TUBGCP5: variants seen among roughly 807,000 people sequenced by gnomAD.
The protein encoded by TUBGCP5 is tubulin gamma complex component 5.
In TUBGCP5, 98 loss-of-function variants were observed where a neutral mutation model predicts 134.7. The observed-to-expected ratio is 0.73, with a 90% CI of 0.62 to 0.86. The LOEUF (loss-of-function observed/expected upper bound fraction) is 0.86. Among genes scored for constraint, TUBGCP5 ranks in the 40% least tolerant of loss-of-function variants. The pLI is 0.00. For missense variants in TUBGCP5, 1,150 were observed against 1,244.8 expected, an observed-to-expected ratio of 0.92 and a Z score of 1.15; for synonymous variants, 456 against 431.4, an observed-to-expected ratio of 1.06 and a Z score of -0.71.
At chr15:23,019,720 C>T (rs2065553872) in intron 11 of TUBGCP5, among the ~76,000 whole-genome samples, 1 of 151,726 alleles carries the variant, frequency 6.6e-6, no homozygotes, top group African/African-American at 2.4e-5. Flanking sequence ...TTGCTTGAAT[C>T]TGGCAGGTGG....
chr15:23,035,885 G>A (rs1845105380), intron 3 of TUBGCP5, among the ~76,000 whole-genome samples: 1 of 152,144 alleles, frequency 6.6e-6, no homozygotes, highest in South Asian at 2.1e-4. Context: ...AGGTGTCCGG[G>A]AACAAATCAG....
chr15:23,004,252 T>C, intron 19 of TUBGCP5, 25 bp from the exon 20 acceptor site: 1 of 1,601,684 alleles, frequency 6.2e-7, no homozygotes, highest in Non-Finnish European at 8.5e-7. Context: ...ATAAAAAGCT[T>C]CATCAGCAGC....
intron 23 of TUBGCP5, among the ~76,000 whole-genome samples, chr15:22,989,239 T>C (rs1459774425): frequency 2.0e-5 from 3 of 152,322 alleles, no homozygotes; most frequent in East Asian, 3.9e-4. Flanking sequence ...CAGACAGCTT[T>C]GGGGCTACCA....
chr15:23,034,597 C>T (rs1448261327), intron 3 of TUBGCP5, among the ~76,000 whole-genome samples: 1 of 152,080 alleles, frequency 6.6e-6, no homozygotes, highest in Non-Finnish European at 1.5e-5. Flanking sequence ...GGGTGGCTCA[C>T]GCCTGTAATC....
At chr15:22,988,457 G>A (rs1429764683) in intron 23 of TUBGCP5, among the ~76,000 whole-genome samples, 2 of 151,852 alleles carry the variant, frequency 1.3e-5, no homozygotes, top group African/African-American at 2.4e-5. Context: ...TTTTTGGCCG[G>A]TTGCGGTGGC....
At chr15:23,003,610 C>T (rs73411340) in intron 20 of TUBGCP5, among the ~76,000 whole-genome samples, 6,877 of 145,978 alleles carry the variant, frequency 0.047, 426 homozygotes, top group African/African-American at 0.15. Flanking sequence ...ACAATTTCTA[C>T]GAATAGGGCA....
chr15:23,007,246 C>T (rs542843941), intron 16 of TUBGCP5, among the ~76,000 whole-genome samples: 1 of 152,148 alleles, frequency 6.6e-6, no homozygotes, highest in South Asian at 2.1e-4. Flanking sequence ...TATAAAAATA[C>T]AAAAAATTAG....
At chr15:23,016,969 G>GATATGTGTATGTATATATATATATAT (rs1555439436) in intron 13 of TUBGCP5, among the ~76,000 whole-genome samples, 1 of 109,394 alleles carries the variant, frequency 9.1e-6, no homozygotes, top group African/African-American at 3.6e-5. Context: ...AAAATTGTGA[G>GATATGTGTATGTATATATATATATAT]ATATATATAT....
chr15:23,027,256 A>T lies in TUBGCP5; in HGVS notation c.673T>A (p.Trp225Arg). ...GGAAACTGGGAGGGCCTGGCTGTCCAGTACTGATGGACCACATGATGTTCC... is the reference window on the plus strand; with the variant it reads ...GGAAACTGGGAGGGCCTGGCTGTCCTGTACTGATGGACCACATGATGTTCC... Reference protein sequence around the residue: ...WLEHHVVHQYWTARPSQFPHS... With the variant: ...WLEHHVVHQYRTARPSQFPHS... The change falls in exon 7 of 23, where the codon TGG becomes AGG. Residue 225 changes from tryptophan (W) to arginine (R), a missense_variant. Transcript: ENST00000615383. 6.2e-7 allele frequency: 1 copy of T among 1,614,108 alleles called. No individual in the cohort carries two copies. Among genetic ancestry groups the T allele is most frequent in the Non-Finnish European group, 8.5e-7 (1 of 1,179,982 alleles).
chr15:23,028,024 G>C (rs1313701026), intron 6 of TUBGCP5, among the ~76,000 whole-genome samples: 2 of 151,958 alleles, frequency 1.3e-5, no homozygotes, highest in Non-Finnish European at 2.9e-5. Flanking sequence ...AAAAGAGAAA[G>C]CCACCTAACA....
At chr15:23,035,962 T>C (rs541822390) in intron 3 of TUBGCP5, among the ~76,000 whole-genome samples, 1 of 152,252 alleles carries the variant, frequency 6.6e-6, no homozygotes, top group African/African-American at 2.4e-5. Context: ...CTATAAAGAA[T>C]TGAAATACAT....
In TUBGCP5 at chr15:23,039,551, G is replaced by C. The variant is rs765841506; in HGVS notation, c.-8C>G. ...TGGCCCGTGCCGCGCCATGTTCCGC[G>C]CTCCTGCAGCGCGCGTCTAACGAAT... is the stretch of plus-strand genomic sequence containing the variant. On this transcript the variant is annotated 5_prime_UTR_variant, in exon 1 of 23. Coordinates refer to ENST00000615383, the MANE Select transcript of TUBGCP5 (RefSeq NM_052903.6). 1 of 1,414,518 alleles carries C rather than the reference G, an allele frequency of 7.1e-7. No individual in the cohort carries two copies. The highest frequency in any genetic ancestry group is 2.6e-5 in the Admixed American group (1 of 38,606). 87.6% of individuals were successfully genotyped at this position (1,414,518 alleles called of 1,614,324 possible). A position where few individuals can be genotyped will look rare whatever the true frequency, so the allele number is the denominator to read the frequency against.
chr15:23,002,899 A>T (rs199861741), intron 21 of TUBGCP5, among the ~76,000 whole-genome samples, 166 bp downstream of exon 21: 11 of 134,654 alleles, frequency 8.2e-5, no homozygotes, highest in South Asian at 2.3e-4. Flanking sequence ...TTTTTTTTTT[A>T]AAGACTGGGT....
intron 5 of TUBGCP5, 42 bp from the exon 6 acceptor site, chr15:23,031,062 A>C: frequency 6.4e-7 from 1 of 1,553,188 alleles, no homozygotes; most frequent in South Asian, 1.2e-5. Context: ...ACAGAGTATA[A>C]CACTTAAAGC....
At chr15:22,993,521 C>T (rs1359876656) in intron 23 of TUBGCP5, among the ~76,000 whole-genome samples, 9 of 121,704 alleles carry the variant, frequency 7.4e-5, no homozygotes, top group East Asian at 2.1e-4. Context: ...CCTCAGCCCC[C>T]GAAGTTTTTT....
chr15:23,016,010 C>T (rs1338072822), intron 13 of TUBGCP5, among the ~76,000 whole-genome samples: 3 of 152,040 alleles, frequency 2.0e-5, no homozygotes, highest in Non-Finnish European at 4.4e-5. Flanking sequence ...CAAGAGACTA[C>T]AATGATATAG....
chr15:23,005,677 G>T, intron 18 of TUBGCP5, 67 bp from the exon 19 acceptor site: 1 of 1,489,044 alleles, frequency 6.7e-7, no homozygotes, highest in Non-Finnish European at 9.2e-7. Context: ...GCACCATGAC[G>T]CCTGGCAGAA....
chr15:23,039,388 T>C lies in TUBGCP5; in HGVS notation c.146+10A>G. 6.9e-7 allele frequency: 1 copy of C among 1,444,528 alleles called. No individual in the cohort carries two copies. The highest frequency in any genetic ancestry group is 2.4e-5 in the Admixed American group (1 of 41,878). The allele number at this position is 1,444,528 out of a possible 1,614,324, so 89.5% of individuals were successfully genotyped here. A position where few individuals can be genotyped will look rare whatever the true frequency, so the allele number is the denominator to read the frequency against. On this transcript the variant is annotated intron_variant, in intron 1 of 22. Transcript: ENST00000615383. ...TGGCCGGGAACCCGCCCGCGCGCCG[T>C]GCCCCACACCTGAAGTTGGACCAGG...
intron 1 of TUBGCP5, among the ~76,000 whole-genome samples, 175 bp downstream of exon 1, chr15:23,039,223 C>T (rs1406034829): frequency 6.6e-6 from 1 of 151,834 alleles, no homozygotes; most frequent in Non-Finnish European, 1.5e-5. Context: ...GGCACCGCGC[C>T]GAGAGCGCTG....
Sources: allele counts gnomAD v4.1 joint callset (sites outside exome capture counted in the v4.1 genomes callset), GRCh38; gene constraint gnomAD v4.1.1; transcripts MANE v1.5; gene names NCBI Gene and HGNC (gene_info 2026-07-23, HGNC 2026-07-21).